GDPD4: variants seen among roughly 807,000 people sequenced by gnomAD.
GDPD4 encodes the protein glycerophosphodiester phosphodiesterase 6.
Under a neutral mutation model 67.8 loss-of-function variants are expected in GDPD4, and 60 were observed. The ratio of observed to expected loss-of-function variants is 0.88; its 90% CI spans 0.72 to 1.10. The LOEUF (loss-of-function observed/expected upper bound fraction) is 1.10, where lower values mean the gene tolerates loss of function less well. Ranked by LOEUF, GDPD4 falls within the 50% of genes least tolerant of loss-of-function variation. GDPD4 has a pLI of 0.00. For synonymous variants in GDPD4, 212 were observed against 210.9 expected, an observed-to-expected ratio of 1.00 and a Z score of -0.04; for missense variants, 623 against 613.9, an observed-to-expected ratio of 1.01 and a Z score of -0.16.
chr11:77,283,404 G>A (rs1959847331), intron 3 of GDPD4, among the ~76,000 whole-genome samples: 2 of 152,090 alleles, frequency 1.3e-5, no homozygotes, highest in Admixed American at 1.3e-4. Context: ...TAAGCCCCAG[G>A]ACTTTGATAC....
intron 10 of GDPD4, among the ~76,000 whole-genome samples, chr11:77,259,524 TG>T (rs1159996133): frequency 6.7e-6 from 1 of 148,748 alleles, no homozygotes; most frequent in Non-Finnish European, 1.5e-5. Flanking sequence ...TTTCAGTTAA[TG>T]GACAAAAGGA....
chr11:77,296,782 G>A (rs935095656), intron 1 of GDPD4, among the ~76,000 whole-genome samples: 13 of 151,318 alleles, frequency 8.6e-5, no homozygotes, highest in African/African-American at 2.9e-4. Context: ...TTTTTTGGCC[G>A]GGTGCGGTGG....
intron 10 of GDPD4, among the ~76,000 whole-genome samples, chr11:77,260,773 T>C (rs1254152686): frequency 3.3e-5 from 5 of 152,166 alleles, no homozygotes; most frequent in African/African-American, 7.2e-5. Context: ...GAAAATTTCA[T>C]TGCATGAAAT....
At chr11:77,259,850 A>G (rs112232344) in intron 10 of GDPD4, among the ~76,000 whole-genome samples, 6 of 152,346 alleles carry the variant, frequency 3.9e-5, no homozygotes, top group African/African-American at 1.4e-4. Context: ...GTACAGAGTA[A>G]AACTATGAAG....
intron 1 of GDPD4, among the ~76,000 whole-genome samples, chr11:77,298,512 A>T (rs559637479): frequency 2.9e-4 from 44 of 152,318 alleles, no homozygotes; most frequent in African/African-American, 6.0e-4. Flanking sequence ...AATTTTTTTT[A>T]AAAACATTTT....
intron 4 of GDPD4, among the ~76,000 whole-genome samples, chr11:77,276,971 A>G (rs1041566357): frequency 1.3e-5 from 2 of 152,212 alleles, no homozygotes; most frequent in South Asian, 4.1e-4. Flanking sequence ...AAGGTTACAT[A>G]GTACCTAAAG....
chr11:77,247,809 T>C (rs1270498114), intron 11 of GDPD4, among the ~76,000 whole-genome samples: 1 of 152,050 alleles, frequency 6.6e-6, no homozygotes, highest in Non-Finnish European at 1.5e-5. Context: ...CCCAGCACTT[T>C]GGAAGGCCGA....
At chr11:77,235,110 A>T (rs1462814823) in intron 13 of GDPD4, among the ~76,000 whole-genome samples, 1 of 132,788 alleles carries the variant, frequency 7.5e-6, no homozygotes, top group African/African-American at 2.9e-5. Context: ...TATCTCTCTG[A>T]TGATTAGTGA....
At chr11:77,251,967 T>C (rs192163795) in intron 11 of GDPD4, among the ~76,000 whole-genome samples, 4 of 152,254 alleles carry the variant, frequency 2.6e-5, no homozygotes, top group Admixed American at 2.6e-4. Context: ...AACAAGTCTC[T>C]TGTTGAAGCT....
intron 13 of GDPD4, among the ~76,000 whole-genome samples, 159 bp downstream of exon 13, chr11:77,243,535 G>A (rs1247820063): frequency 6.6e-6 from 1 of 151,280 alleles, no homozygotes; most frequent in Non-Finnish European, 1.5e-5. Flanking sequence ...GAGGGAGGGA[G>A]GGAGGGAGGA....
intron 11 of GDPD4, among the ~76,000 whole-genome samples, chr11:77,253,342 C>G (rs1958942320): frequency 6.6e-6 from 1 of 152,172 alleles, no homozygotes; most frequent in African/African-American, 2.4e-5. Flanking sequence ...CAACACTAGA[C>G]TCTAAGATGG....
rs377543119 is a variant in GDPD4 at position 77,271,379 on chromosome 11, T to C, written c.222A>G (p.Leu74=). The C allele has an allele frequency of 1.9e-6, 3 of 1,610,684 alleles. No homozygotes were observed. Among genetic ancestry groups the C allele is most frequent in the East Asian group, 2.2e-5 (1 of 44,878 alleles). ...LHLCHKILIL[L]VILLCVILMF... ...TTAAAATGACACACAGAAGAATCAC[T>C]AGCAGAATCAGGATCTAGGGAAACA... is the stretch of plus-strand genomic sequence containing the variant. Residue 74 remains leucine, a synonymous_variant, in exon 6 of 17, where the codon CTA becomes CTG. Coordinates refer to ENST00000315938, the MANE Select transcript of GDPD4 (RefSeq NM_182833.3).
Position 77,276,162 on chromosome 11 carries a change from T to G in GDPD4, c.206A>C (p.Lys69Thr). ...CCTATGTGGACTCAGATGTCCTACC[T>G]TATGACACAAGTGCAGGTATAGTTC... Reference protein sequence around the residue: ...RIELYLHLCHKILILLVILLC... With the variant: ...RIELYLHLCHTILILLVILLC... The change falls in exon 5 of 17, where the codon AAG becomes ACG. Residue 69 changes from lysine to threonine, a missense_variant and splice_region_variant. Transcript: ENST00000315938. The G allele has an allele frequency of 6.2e-7, 1 of 1,612,116 alleles. No homozygotes were observed. The highest frequency in any genetic ancestry group is 8.5e-7 in the Non-Finnish European group (1 of 1,178,214).
At chr11:77,219,490 C>A (rs1018278679) in intron 16 of GDPD4, among the ~76,000 whole-genome samples, 5 of 152,140 alleles carry the variant, frequency 3.3e-5, no homozygotes, top group Non-Finnish European at 5.9e-5. Flanking sequence ...AGGTTTTCTT[C>A]TAGGGTTTTT....
intron 8 of GDPD4, among the ~76,000 whole-genome samples, chr11:77,269,320 G>C (rs1472555540): frequency 6.6e-6 from 1 of 152,152 alleles, no homozygotes; most frequent in African/African-American, 2.4e-5. Context: ...AATTGACAGA[G>C]GGCTCAACTG....
intron 13 of GDPD4, among the ~76,000 whole-genome samples, chr11:77,237,015 G>A (rs141275598): frequency 9.2e-5 from 14 of 152,222 alleles, no homozygotes; most frequent in Non-Finnish European, 1.8e-4. Context: ...TCCTGTTTAA[G>A]TCTTTCTTTA....
intron 10 of GDPD4, among the ~76,000 whole-genome samples, chr11:77,260,566 T>C (rs1030720641): frequency 6.6e-6 from 1 of 151,976 alleles, no homozygotes; most frequent in Admixed American, 6.6e-5. Flanking sequence ...TGTGACCATA[T>C]GGAAGAGGAA....
At chr11:77,222,117 G>C (rs113428565) in intron 16 of GDPD4, among the ~76,000 whole-genome samples, 2,436 of 152,218 alleles carry the variant, frequency 0.016, 22 homozygotes, top group African/African-American at 0.025. Context: ...CTATGTGTGT[G>C]TCTGCACTTG....
chr11:77,245,734 T>C (rs1327405495), intron 11 of GDPD4, among the ~76,000 whole-genome samples: 1 of 152,216 alleles, frequency 6.6e-6, no homozygotes, highest in African/African-American at 2.4e-5. Context: ...GTATTTGCAC[T>C]GAAGGTCATG....
Sources: allele counts gnomAD v4.1 joint callset (sites outside exome capture counted in the v4.1 genomes callset), GRCh38; gene constraint gnomAD v4.1.1; transcripts MANE v1.5; gene names NCBI Gene and HGNC (gene_info 2026-07-23, HGNC 2026-07-21).